NDUFS1: variants seen among roughly 807,000 people sequenced by gnomAD.
NDUFS1 encodes NADH:ubiquinone oxidoreductase core subunit S1, also known as NADH-ubiquinone oxidoreductase 75 kDa subunit, mitochondrial.
A neutral mutation model predicts 84.4 loss-of-function variants in NDUFS1; 61 were observed. That is an observed-to-expected ratio of 0.72 (90% CI 0.59 to 0.89). NDUFS1 has a LOEUF of 0.89. NDUFS1 is among the 40% of genes least tolerant of loss of function. The pLI is 0.00. For missense variants in NDUFS1, 891 were observed against 890.0 expected (o/e 1.00, Z -0.01); for synonymous variants, 275 against 290.0 (o/e 0.95, Z 0.53).
chr2:206,129,423 T>C (rs1170045137), intron 15 of NDUFS1, among the ~76,000 whole-genome samples: 1 of 151,772 alleles, frequency 6.6e-6, no homozygotes, highest in Admixed American at 6.6e-5. Flanking sequence ...GCAACACGCC[T>C]AGCTAATTTT....
chr2:206,143,160 G>A (rs1692028426), intron 10 of NDUFS1, among the ~76,000 whole-genome samples: 1 of 152,190 alleles, frequency 6.6e-6, no homozygotes, highest in Admixed American at 6.5e-5. Context: ...GATGAGGCAG[G>A]AGAACTGCTT....
rs1017725547 is a variant in NDUFS1, at chr2:206,115,945, T to C, written c.*8240A>G. The C allele has an allele frequency of 1.5e-6, 1 of 666,548 alleles. No individual in the cohort carries two copies. Among genetic ancestry groups the C allele is most frequent in the Non-Finnish European group, 2.7e-6 (1 of 364,226 alleles). 41.3% of individuals were successfully genotyped at this position (666,548 alleles called of 1,614,324 possible). A position where few individuals can be genotyped will look rare whatever the true frequency, so the allele number is the denominator to read the frequency against. On this transcript the variant is annotated 3_prime_UTR_variant, in exon 19 of 19. Coordinates refer to ENST00000233190, the MANE Select transcript of NDUFS1 (RefSeq NM_005006.7). The stretch of plus-strand genomic sequence containing the variant: ...ACATATTATGTTTATCTACAATCAT[T>C]AGAAAGTTAAAAGGCATCTTCTTTC...
chr2:206,147,336 AGATTTT>A (rs1049884893), intron 7 of NDUFS1, among the ~76,000 whole-genome samples, 189 bp downstream of exon 7: 15 of 152,348 alleles, frequency 9.8e-5, no homozygotes, highest in African/African-American at 3.4e-4. Flanking sequence ...AAATGCTTAT[AGATTTT>A]AATTTTTAAA....
chr2:206,153,495 C>T (rs1692453164), intron 2 of NDUFS1, 123 bp downstream of exon 2: 20 of 654,198 alleles, frequency 3.1e-5, no homozygotes, highest in South Asian at 2.9e-4. Flanking sequence ...CACACCCGGC[C>T]GGTTTCTATT....
intron 15 of NDUFS1, among the ~76,000 whole-genome samples, chr2:206,129,246 TTTTAG>T (rs1309481316): frequency 6.6e-6 from 1 of 151,986 alleles, no homozygotes; most frequent in African/African-American, 2.4e-5. Flanking sequence ...AAAAACAGGA[TTTTAG>T]TTTATTTTGT....
intron 8 of NDUFS1, among the ~76,000 whole-genome samples, 161 bp from the exon 9 acceptor site, chr2:206,145,187 C>CT (rs1349602079): frequency 1.1e-4 from 16 of 151,098 alleles, no homozygotes; most frequent in South Asian, 8.4e-4. Context: ...AACCCCCCAC[C>CT]TTTTTTTTTG....
Position 206,116,178 on chromosome 2 carries a change from G to T in NDUFS1, c.*8007C>A. The T allele has an allele frequency of 6.5e-7, 1 of 1,535,370 alleles. No homozygotes were observed. The highest frequency in any genetic ancestry group is 9.0e-7 in the Non-Finnish European group (1 of 1,109,030). On this transcript the variant is annotated 3_prime_UTR_variant, in exon 19 of 19. Coordinates refer to ENST00000233190, the MANE Select transcript of NDUFS1 (RefSeq NM_005006.7). The stretch of plus-strand genomic sequence containing the variant: ...CTCATAAGTTCATCTAGTTATGAAG[G>T]GTTACTCAGTGTCATCTTGATCAGC...
In NDUFS1 at chr2:206,142,882, C is replaced by T. The variant is rs781145767; in HGVS notation, c.988-51G>A. 5 of 1,605,158 alleles carry T rather than the reference C, an allele frequency of 3.1e-6. No homozygotes were observed. In the South Asian group the frequency reaches 4.4e-5, roughly 14 times the overall value. On this transcript the variant is annotated intron_variant, in intron 10 of 18. Transcript: ENST00000233190. Reference sequence around the variant, plus strand: ...CCAAGAAACCTACACGCAGCAAAGACCACAATGAAATGTTCAGAAAATAAA... The same window carrying T: ...CCAAGAAACCTACACGCAGCAAAGATCACAATGAAATGTTCAGAAAATAAA...
In NDUFS1 at chr2:206,141,616, G is replaced by T. The variant is rs140719175; in HGVS notation, c.1262+325C>A. On this transcript the variant is annotated intron_variant, in intron 12 of 18. Coordinates refer to ENST00000233190, the MANE Select transcript of NDUFS1 (RefSeq NM_005006.7). ...AAAAATTAAAAAAAAAAAAAGGCTC[G>T]GTGCAGTGGCTCACACCTGAAATCC... Among the ~76,000 whole-genome samples the T allele has an allele frequency of 9.0e-3, 1,308 of 145,710 alleles. 13 individuals carry two copies. The highest frequency in any genetic ancestry group is 0.031 in the African/African-American group (1,217 of 39,558).
intron 8 of NDUFS1, among the ~76,000 whole-genome samples, chr2:206,145,526 T>C (rs528801305): frequency 2.1e-4 from 32 of 152,278 alleles, no homozygotes; most frequent in African/African-American, 7.2e-4. Context: ...TAGCCAAATC[T>C]GGGACGATTC....
In NDUFS1 at chr2:206,159,280, C is replaced by G. The variant is rs567035485; in HGVS notation, c.-5+61G>C. The G allele has an allele frequency of 6.5e-6, 5 of 770,888 alleles. No homozygotes were observed. In the South Asian group the frequency reaches 7.4e-5, roughly 11 times the overall value. 47.8% of individuals were successfully genotyped at this position (770,888 alleles called of 1,614,324 possible). ...GTCGCGTGGGCCAAAGGAAACAGTC[C>G]CGTCAATAAATAAGCCTCTGGCCGA... On this transcript the variant is annotated intron_variant, in intron 1 of 18. Transcript: ENST00000233190.
At position 206,116,714 on chromosome 2, in the gene NDUFS1, G is replaced by A. The variant is rs1690954196; in HGVS notation, c.*7471C>T. ...GAGCCTGGGCAACATAGTGAGACCTGTCTCTATAAAATATTTTTAAAAATT... is the reference window on the plus strand; with the variant it reads ...GAGCCTGGGCAACATAGTGAGACCTATCTCTATAAAATATTTTTAAAAATT... On this transcript the variant is annotated 3_prime_UTR_variant, in exon 19 of 19. Transcript: ENST00000233190. 1 of 299,614 alleles carries A rather than the reference G, an allele frequency of 3.3e-6. No individual in the cohort carries two copies. The highest frequency in any genetic ancestry group is 2.2e-5 in the African/African-American group (1 of 45,474). The allele number at this position is 299,614 out of a possible 1,614,324, so 18.6% of individuals were successfully genotyped here.
chr2:206,134,341 A>C (rs1193133400), intron 13 of NDUFS1, among the ~76,000 whole-genome samples: 1 of 152,190 alleles, frequency 6.6e-6, no homozygotes, highest in Non-Finnish European at 1.5e-5. Context: ...GAAACAATAA[A>C]AAACTAAACA....
intron 12 of NDUFS1, among the ~76,000 whole-genome samples, chr2:206,141,272 C>T (rs1381698874): frequency 1.3e-5 from 2 of 151,894 alleles, no homozygotes; most frequent in African/African-American, 4.8e-5. Context: ...AGGCCGGGCG[C>T]GGTGGCTCAC....
chr2:206,138,485 C>G lies in NDUFS1; in HGVS notation c.1392G>C (p.Gln464His). The change falls in exon 13 of 19, where the codon CAG (glutamine) becomes CAC (histidine). Residue 464 changes from glutamine to histidine, a missense_variant and splice_region_variant. By Grantham distance (24) the Gln-to-His change is conservative. Coordinates refer to ENST00000233190, the MANE Select transcript of NDUFS1 (RefSeq NM_005006.7). ...DIASGSHPFS[Q>H]VLKEAKKPMV... Reference sequence around the variant, plus strand: ...GTAGATACACATAAGTTGAGAGCACCTGGCTAAATGGATGGCTTCCCGAAG... The same window carrying G: ...GTAGATACACATAAGTTGAGAGCACGTGGCTAAATGGATGGCTTCCCGAAG... 6.2e-7 allele frequency: 1 copy of G among 1,613,812 alleles called. No homozygotes were observed. Among genetic ancestry groups the G allele is most frequent in the Non-Finnish European group, 8.5e-7 (1 of 1,179,766 alleles).
intron 13 of NDUFS1, among the ~76,000 whole-genome samples, chr2:206,136,994 C>T (rs1195099122): frequency 2.0e-5 from 3 of 151,820 alleles, no homozygotes; most frequent in East Asian, 3.9e-4. Context: ...CTCAGGTGAT[C>T]CACCCACCTC....
In NDUFS1 at chr2:206,126,196, GT is replaced by G. The variant is rs1243618686; in HGVS notation, c.2092+342del. Among the ~76,000 whole-genome samples, 14 of 152,278 alleles carry G rather than the reference GT, an allele frequency of 9.2e-5. No homozygotes were observed. In the East Asian group the frequency reaches 2.7e-3, roughly 29 times the overall value. ...TGTTTAACATGTTTCACATTTAAAT[GT>G]TTTGATTCTTCCACCTATAATTCTC... is the stretch of plus-strand genomic sequence containing the variant. On this transcript the variant is annotated intron_variant, in intron 18 of 18. Coordinates refer to ENST00000233190, the MANE Select transcript of NDUFS1 (RefSeq NM_005006.7).
In NDUFS1 at chr2:206,123,616, A is replaced by G. The variant is rs1691170062; in HGVS notation, c.*569T>C. 1 of 152,472 alleles carries G rather than the reference A, an allele frequency of 6.6e-6. No homozygotes were observed. The allele number at this position is 152,472 out of a possible 1,614,324, so 9.4% of individuals were successfully genotyped here. A position where few individuals can be genotyped will look rare whatever the true frequency, so the allele number is the denominator to read the frequency against. On this transcript the variant is annotated 3_prime_UTR_variant, in exon 19 of 19. Transcript: ENST00000233190. Reference sequence around the variant, plus strand: ...TTCATCAGTAAAATGAGATAATACTACTATCTCACAGGGTTGTAGCAAGAA... The same window carrying G: ...TTCATCAGTAAAATGAGATAATACTGCTATCTCACAGGGTTGTAGCAAGAA...
At position 206,152,408 on chromosome 2, in the gene NDUFS1, T is replaced by C. The variant is rs757769351; in HGVS notation, c.153+11A>G. 4 of 1,608,264 alleles carry C rather than the reference T, an allele frequency of 2.5e-6. No individual in the cohort carries two copies. Among genetic ancestry groups the C allele is most frequent in the South Asian group, 1.1e-5 (1 of 90,944 alleles). ...GAACACACACACAAAATAGTTAGAA[T>C]GTATGCCTACTTGGAGGACGGTCGT... is the stretch of plus-strand genomic sequence containing the variant. On this transcript the variant is annotated intron_variant, in intron 3 of 18. Transcript: ENST00000233190.
Sources: gnomAD v4.1 joint callset for allele counts (sites outside exome capture counted in the v4.1 genomes callset) on GRCh38, gnomAD v4.1.1 for gene constraint, MANE v1.5 for transcripts, NCBI Gene and HGNC (gene_info 2026-07-23, HGNC 2026-07-21) for gene names.